NEO1: variants seen among roughly 807,000 people sequenced by gnomAD.
NEO1 encodes the protein neogenin.
Under a neutral mutation model 159.7 loss-of-function variants are expected in NEO1, and 63 were observed. The observed-to-expected ratio is 0.39, with a 90% CI of 0.32 to 0.49. The LOEUF is 0.49. Among genes scored for constraint, NEO1 ranks in the 20% least tolerant of loss-of-function variants. The pLI is 0.85. For synonymous variants in NEO1, 633 were observed against 662.0 expected, an observed-to-expected ratio of 0.96 and a Z score of 0.67; for missense variants, 1,615 against 1,831.0, an observed-to-expected ratio of 0.88 and a Z score of 2.15.
intron 7 of NEO1, among the ~76,000 whole-genome samples, chr15:73,188,737 G>C (rs2152002347): frequency 6.6e-6 from 1 of 152,270 alleles, no homozygotes; most frequent in African/African-American, 2.4e-5. Flanking sequence ...TTTTTACTAA[G>C]AGTGAAGAAA....
At chr15:73,205,448 A>C (rs1384350608) in intron 7 of NEO1, among the ~76,000 whole-genome samples, 1 of 151,856 alleles carries the variant, frequency 6.6e-6, no homozygotes, top group East Asian at 1.9e-4. Flanking sequence ...CATGATGGTT[A>C]CTCTTCCTCT....
chr15:73,219,522 G>T (rs1286620033), intron 7 of NEO1, among the ~76,000 whole-genome samples: 2 of 137,796 alleles, frequency 1.5e-5, no homozygotes, highest in African/African-American at 5.4e-5. Flanking sequence ...TGACAGTGGG[G>T]TGTTAAAGTC....
intron 3 of NEO1, among the ~76,000 whole-genome samples, chr15:73,125,998 A>T (rs2030170515): frequency 6.6e-6 from 1 of 152,178 alleles, no homozygotes; most frequent in African/African-American, 2.4e-5. Context: ...TTCATGTCAA[A>T]TATCTCTCGA....
At chr15:73,198,256 T>C (rs1320714100) in intron 7 of NEO1, among the ~76,000 whole-genome samples, 1 of 152,196 alleles carries the variant, frequency 6.6e-6, no homozygotes, top group Non-Finnish European at 1.5e-5. Context: ...TTCACTGCCC[T>C]GTTTCTCATA....
At chr15:73,206,333 T>C (rs1437232436) in intron 7 of NEO1, among the ~76,000 whole-genome samples, 1 of 152,216 alleles carries the variant, frequency 6.6e-6, no homozygotes, top group African/African-American at 2.4e-5. Flanking sequence ...ATTTTATGCC[T>C]CTCTTTCATT....
rs2033725666 is a variant in NEO1 at position 73,155,754 on chromosome 15, C to T, written c.1015+19727C>T. 5.9e-5 allele frequency among the ~76,000 whole-genome samples: 9 copies of T among 152,162 alleles called. No individual in the cohort carries two copies. The South Asian group carries it at 1.9e-3, about 32-fold the overall frequency. On this transcript the variant is annotated intron_variant, in intron 5 of 28. Transcript: ENST00000261908. ...TGTTCAGGCTTGTCTATTGTTGAAG[C>T]TTTCAAATGTATTTTGTAATTCCTT...
At chr15:73,134,869 G>T (rs1489591454) in intron 4 of NEO1, among the ~76,000 whole-genome samples, 2 of 152,126 alleles carry the variant, frequency 1.3e-5, no homozygotes, top group African/African-American at 4.8e-5. Flanking sequence ...TTTTTTAATT[G>T]ATCCATGGAC....
intron 1 of NEO1, among the ~76,000 whole-genome samples, chr15:73,081,265 A>G (rs1375943095): frequency 6.6e-6 from 1 of 152,088 alleles, no homozygotes; most frequent in African/African-American, 2.4e-5. Flanking sequence ...TAGACTTCTC[A>G]GGATTTTGAA....
At chr15:73,126,163 T>C (rs1301430206) in intron 3 of NEO1, among the ~76,000 whole-genome samples, 1 of 152,178 alleles carries the variant, frequency 6.6e-6, no homozygotes, top group East Asian at 1.9e-4. Flanking sequence ...GCTTAAAATA[T>C]TTTGTCATAT....
chr15:73,147,816 T>C (rs572334527), intron 5 of NEO1, among the ~76,000 whole-genome samples: 2,666 of 91,448 alleles, frequency 0.029, 36 homozygotes, highest in Non-Finnish European at 0.04. Context: ...TGGTGGAATG[T>C]CTTTTTTTTT....
chr15:73,052,775 G>T lies in NEO1; in HGVS notation c.100G>T (p.Ala34Ser), dbSNP rs1390808036. Residue 34 changes from alanine (A) to serine (S), a missense_variant, in exon 1 of 29, where the codon GCC becomes TCC. Physicochemically the swap from Ala to Ser is moderately conservative, Grantham distance 99. This residue lies in a region of NEO1 where 1,018 missense variants were observed against 1,115.4 expected (regional missense o/e 0.91). Transcript: ENST00000261908. The stretch of plus-strand genomic sequence containing the variant: ...GCGCCGGGCGCCGGGCGCCGCGGCC[G>T]CCAGGAGCGGCTCCGCGCCGCAGTC... ...LGRRAPGAAA[A>S]RSGSAPQSPG... 3 of 1,203,436 alleles carry T rather than the reference G, an allele frequency of 2.5e-6. No individual in the cohort carries two copies. The highest frequency in any genetic ancestry group is 3.1e-6 in the Non-Finnish European group (3 of 963,308). 74.5% of individuals were successfully genotyped at this position (1,203,436 alleles called of 1,614,324 possible). A position where few individuals can be genotyped will look rare whatever the true frequency, so the allele number is the denominator to read the frequency against.
intron 2 of NEO1, among the ~76,000 whole-genome samples, chr15:73,122,092 T>TATATATAC (rs1567241749): frequency 1.1e-4 from 11 of 103,014 alleles, no homozygotes; most frequent in African/African-American, 4.0e-4. Context: ...TATATATATA[T>TATATATAC]ATACACATTA....
At chr15:73,220,334 G>C (rs555277043) in intron 7 of NEO1, among the ~76,000 whole-genome samples, 170 of 152,278 alleles carry the variant, frequency 1.1e-3, no homozygotes, top group East Asian at 2.9e-3. Flanking sequence ...TGGGTAACCT[G>C]ACCTTTCTCT....
At chr15:73,096,518 G>A (rs1446015547) in intron 1 of NEO1, among the ~76,000 whole-genome samples, 3 of 152,188 alleles carry the variant, frequency 2.0e-5, no homozygotes, top group Admixed American at 6.5e-5. Flanking sequence ...CATGGCAACG[G>A]TTTTTTGGGA....
chr15:73,121,259 A>G (rs936272134), intron 2 of NEO1, among the ~76,000 whole-genome samples: 2 of 152,174 alleles, frequency 1.3e-5, no homozygotes, highest in African/African-American at 4.8e-5. Flanking sequence ...CCAAGATTAC[A>G]TATTTCACTT....
intron 13 of NEO1, among the ~76,000 whole-genome samples, chr15:73,258,009 G>A (rs1020000389): frequency 2.6e-5 from 4 of 152,186 alleles, no homozygotes; most frequent in Admixed American, 1.3e-4. Flanking sequence ...CCCCTACCAC[G>A]GGACAGGATT....
rs143400093 is a variant in NEO1, at chr15:73,130,316, C to A, written c.878+3746C>A. 7.9e-4 allele frequency among the ~76,000 whole-genome samples: 119 copies of A among 150,392 alleles called. 2 individuals carry two copies. The South Asian group carries it at 0.016, about 20-fold the overall frequency. On this transcript the variant is annotated intron_variant, in intron 4 of 28. Coordinates refer to ENST00000261908, the MANE Select transcript of NEO1 (RefSeq NM_002499.4). ...TGTGGGCTCAGTTTCCCGCCCCCCCCGCCGCATAAGACCCTTTCAGGAACC... is the reference window on the plus strand; with the variant it reads ...TGTGGGCTCAGTTTCCCGCCCCCCCAGCCGCATAAGACCCTTTCAGGAACC...
At chr15:73,121,976 A>G (rs890968934) in intron 2 of NEO1, among the ~76,000 whole-genome samples, 1 of 151,172 alleles carries the variant, frequency 6.6e-6, no homozygotes, top group Admixed American at 6.6e-5. Context: ...TAGAGACACC[A>G]TATGTACCAT....
intron 23 of NEO1, among the ~76,000 whole-genome samples, chr15:73,286,393 T>C (rs1001578701): frequency 2.6e-5 from 4 of 152,224 alleles, no homozygotes; most frequent in Non-Finnish European, 2.9e-5. Context: ...ATGTTTTGTT[T>C]TGTTTTTTGT....
Sources: allele counts gnomAD v4.1 joint callset (sites outside exome capture counted in the v4.1 genomes callset), GRCh38; gene constraint gnomAD v4.1.1; regional missense constraint gnomAD v4.1.1; transcripts MANE v1.5; gene names NCBI Gene and HGNC (gene_info 2026-07-23, HGNC 2026-07-21).